Variants in ANKS1B observed in about 807,000 individuals in gnomAD.
ANKS1B encodes ankyrin repeat and sterile alpha motif domain containing 1B.
ANKS1B carries 36 observed loss-of-function variants against 148.3 expected under a neutral mutation model. The ratio of observed to expected loss-of-function variants is 0.24; its 90% CI spans 0.19 to 0.32. The LOEUF is 0.32. Ranked by LOEUF, ANKS1B falls within the 10% of genes least tolerant of loss-of-function variation. ANKS1B has a pLI of 1.00. For synonymous variants in ANKS1B, 542 were observed against 560.8 expected (o/e 0.97, Z 0.47); for missense variants, 1,157 against 1,542.6 (o/e 0.75, Z 4.19).
At chr12:98,765,921 G>C (rs2098474676) in intron 25 of ANKS1B, among the ~76,000 whole-genome samples, 1 of 152,186 alleles carries the variant, frequency 6.6e-6, no homozygotes, top group African/African-American at 2.4e-5. Context: ...AAACTATGAA[G>C]CTAAGAGTGC....
intron 9 of ANKS1B, among the ~76,000 whole-genome samples, chr12:99,539,979 C>A (rs939221260): frequency 1.3e-5 from 2 of 151,916 alleles, no homozygotes; most frequent in Admixed American, 1.3e-4. Flanking sequence ...AAAGATACAT[C>A]ATGCAAATAA....
At chr12:99,581,715 C>T (rs2097571252) in intron 9 of ANKS1B, among the ~76,000 whole-genome samples, 1 of 151,320 alleles carries the variant, frequency 6.6e-6, no homozygotes, top group East Asian at 1.9e-4. Context: ...AAGGTGAAAC[C>T]CCGTCTCTAC....
chr12:99,950,113 A>ATTTTTTTTTTTTTTT (rs35287842), intron 1 of ANKS1B, among the ~76,000 whole-genome samples: 4 of 90,542 alleles, frequency 4.4e-5, no homozygotes, highest in African/African-American at 2.0e-4. Flanking sequence ...TGCTCAGTTA[A>ATTTTTTTTTTTTTTT]TTTTTTTTTT....
intron 6 of ANKS1B, among the ~76,000 whole-genome samples, chr12:99,778,061 A>G (rs1474535788): frequency 6.6e-6 from 1 of 151,658 alleles, no homozygotes; most frequent in Non-Finnish European, 1.5e-5. Context: ...TTAGCTGGGC[A>G]TGGTGGCGGG....
rs1445420509 is a variant in ANKS1B at position 99,780,266 on chromosome 12, C to T, written c.746-294G>A. ...TGACCCAATGTTTAAGATTGTTTTT[C>T]AGGACCCTATGATATCTTTTTTTTT... On this transcript the variant is annotated intron_variant, in intron 5 of 26. Transcript: ENST00000683438. Among the ~76,000 whole-genome samples, 3 of 151,920 alleles carry T rather than the reference C, an allele frequency of 2.0e-5. No homozygotes were observed. In the East Asian group the frequency reaches 5.8e-4, roughly 29 times the overall value.
chr12:99,359,598 C>A (rs2092322494), intron 12 of ANKS1B, among the ~76,000 whole-genome samples: 1 of 152,020 alleles, frequency 6.6e-6, no homozygotes, highest in Non-Finnish European at 1.5e-5. Context: ...TGAATGATTT[C>A]CATATATAAT....
intron 17 of ANKS1B, among the ~76,000 whole-genome samples, chr12:98,849,669 C>T (rs1802006512): frequency 6.6e-6 from 1 of 151,524 alleles, no homozygotes; most frequent in Admixed American, 6.6e-5. Flanking sequence ...TTTTCAAATA[C>T]TTTTTTTTTC....
At chr12:99,753,743 T>A (rs2061323825) in intron 8 of ANKS1B, among the ~76,000 whole-genome samples, 1 of 151,834 alleles carries the variant, frequency 6.6e-6, no homozygotes, top group Non-Finnish European at 1.5e-5. Context: ...CAAAGTAGGG[T>A]GGGCACGGTG....
chr12:99,583,568 A>ACTTTTTAGATCAAATGG (rs2097592117), intron 9 of ANKS1B, among the ~76,000 whole-genome samples: 1 of 152,218 alleles, frequency 6.6e-6, no homozygotes, highest in Non-Finnish European at 1.5e-5. Flanking sequence ...TTAATAAATG[A>ACTTTTTAGATCAAATGG]CTTTTTAGAT....
chr12:99,447,919 G>A (rs1228154602), intron 10 of ANKS1B, among the ~76,000 whole-genome samples: 1 of 151,974 alleles, frequency 6.6e-6, no homozygotes, highest in African/African-American at 2.4e-5. Flanking sequence ...TCACCCCAGG[G>A]AAAATGGCTT....
intron 17 of ANKS1B, among the ~76,000 whole-genome samples, chr12:98,945,849 G>A (rs1302385311): frequency 2.0e-5 from 3 of 152,058 alleles, no homozygotes; most frequent in East Asian, 1.9e-4. Context: ...CTTCACCATC[G>A]GCAAAATCAA....
At chr12:99,410,483 C>T (rs1170058715) in intron 11 of ANKS1B, among the ~76,000 whole-genome samples, 1 of 152,136 alleles carries the variant, frequency 6.6e-6, no homozygotes, top group Non-Finnish European at 1.5e-5. Flanking sequence ...TCCCGGCTAA[C>T]ACGGTGAAAC....
In ANKS1B at chr12:99,280,840, ATCTC is replaced by A. The variant is rs142595888; in HGVS notation, c.1757-33980_1757-33977del. On this transcript the variant is annotated intron_variant, in intron 12 of 26. Transcript: ENST00000683438. ...AGCATGAGCCAATTCCTTATAATAA[ATCTC>A]TCTCTCTCTCTCTCTCTCTCTGTCT... is the stretch of plus-strand genomic sequence containing the variant. Among the ~76,000 whole-genome samples, 397 of 144,480 alleles carry A rather than the reference ATCTC, an allele frequency of 2.7e-3. 3 individuals are homozygous for A. Among genetic ancestry groups the A allele is most frequent in the African/African-American group, 4.4e-3 (171 of 39,194 alleles). 94.8% of individuals were successfully genotyped at this position (144,480 alleles called of 152,430 possible).
chr12:99,745,222 G>A (rs1221998890), intron 8 of ANKS1B, among the ~76,000 whole-genome samples: 1 of 152,008 alleles, frequency 6.6e-6, no homozygotes, highest in Non-Finnish European at 1.5e-5. Context: ...CTGTAATTGT[G>A]CATAAGTGCA....
rs1484756541 is a variant in ANKS1B at position 99,984,498 on chromosome 12, A to G, written c.-261T>C. The G allele has an allele frequency of 2.8e-5, 11 of 388,244 alleles. No homozygotes were observed. The highest frequency in any genetic ancestry group is 6.9e-4 in the Middle Eastern group (1 of 1,452). The allele number at this position is 388,244 out of a possible 1,614,324, so 24.0% of individuals were successfully genotyped here. ...GGAGCCGCGACGCGCCCCCACAGCC[A>G]CTCCCCTGAATTCCCAAGGCCTCGT... On this transcript the variant is annotated 5_prime_UTR_variant, in exon 1 of 27. Transcript: ENST00000683438.
intron 1 of ANKS1B, among the ~76,000 whole-genome samples, chr12:99,942,957 A>G (rs2094957105): frequency 6.6e-6 from 1 of 152,140 alleles, no homozygotes; most frequent in Non-Finnish European, 1.5e-5. Context: ...TTCACGAATG[A>G]CCACACAACC....
intron 12 of ANKS1B, among the ~76,000 whole-genome samples, chr12:99,357,336 T>C (rs1356030356): frequency 6.6e-6 from 1 of 152,134 alleles, no homozygotes; most frequent in African/African-American, 2.4e-5. Context: ...TTTTTAGCAT[T>C]TTAAATAATA....
chr12:99,231,500 CATAATAATACT>C, intron 14 of ANKS1B, among the ~76,000 whole-genome samples: 1 of 152,000 alleles, frequency 6.6e-6, no homozygotes, highest in Admixed American at 6.6e-5. Flanking sequence ...ATAAAATGGG[CATAATAATACT>C]TCACTGAGTG....
Position 99,737,432 on chromosome 12 carries a change from A to C in ANKS1B, c.1128+35490T>G, listed in dbSNP as rs79787191. On this transcript the variant is annotated intron_variant, in intron 8 of 26. Transcript: ENST00000683438. Reference sequence around the variant, plus strand: ...TTATGTTAAGTGAAATAAGCTAGACATACAAAGACAAACATAATATCACAT... The same window carrying C: ...TTATGTTAAGTGAAATAAGCTAGACCTACAAAGACAAACATAATATCACAT... 5.0e-3 allele frequency among the ~76,000 whole-genome samples: 758 copies of C among 152,248 alleles called. 10 individuals are homozygous for C. The highest frequency in any genetic ancestry group is 0.017 in the African/African-American group (724 of 41,566).
Sources: gnomAD v4.1 joint callset for allele counts (sites outside exome capture counted in the v4.1 genomes callset) on GRCh38, gnomAD v4.1.1 for gene constraint, MANE v1.5 for transcripts, NCBI Gene and HGNC (gene_info 2026-07-23, HGNC 2026-07-21) for gene names.